Variants in VRTN observed in about 807,000 individuals in gnomAD.
The protein encoded by VRTN is vertnin.
A neutral mutation model predicts 18.2 loss-of-function variants in VRTN; 5 were observed. That is an observed-to-expected ratio of 0.27 (90% CI 0.14 to 0.58). VRTN has a LOEUF of 0.58. VRTN is among the 20% of genes least tolerant of loss of function. The pLI is 0.91. For synonymous variants in VRTN, 381 were observed against 393.7 expected (o/e 0.97, Z 0.38); for missense variants, 741 against 939.4 (o/e 0.79, Z 2.76).
At chr14:74,333,019 TG>T (rs1270697781) in intron 1 of VRTN, among the ~76,000 whole-genome samples, 1 of 152,212 alleles carries the variant, frequency 6.6e-6, no homozygotes, top group Non-Finnish European at 1.5e-5. Context: ...TAGATTTCTT[TG>T]AAGGCAGAAA....
intron 1 of VRTN, among the ~76,000 whole-genome samples, chr14:74,325,530 G>T (rs1352780642): frequency 6.6e-6 from 1 of 152,174 alleles, no homozygotes; most frequent in Admixed American, 6.6e-5. Flanking sequence ...TAAATAGGCT[G>T]GGCAAGGTGG....
chr14:74,353,611 T>A (rs1031426240), intron 1 of VRTN, among the ~76,000 whole-genome samples: 5 of 152,192 alleles, frequency 3.3e-5, no homozygotes, highest in African/African-American at 1.2e-4. Flanking sequence ...ATAGGTTATA[T>A]CTACCAGTGT....
intron 1 of VRTN, among the ~76,000 whole-genome samples, chr14:74,335,722 C>G (rs181890301): frequency 2.0e-5 from 3 of 151,550 alleles, no homozygotes; most frequent in African/African-American, 7.3e-5. Context: ...GCAGTTTCTC[C>G]CCTTTTACAG....
At position 74,355,610 on chromosome 14, in the gene VRTN, G is replaced by C. The variant is rs141589332; in HGVS notation, c.-1-1173G>C. Among the ~76,000 whole-genome samples the C allele has an allele frequency of 1.3e-3, 193 of 152,212 alleles. 1 individual carries two copies. Among genetic ancestry groups the C allele is most frequent in the African/African-American group, 4.4e-3 (182 of 41,524 alleles). ...AGCACAGTGGCATGATCTCTACTCA[G>C]TGCGGCCTCCACCTCCCAAGTTCAA... On this transcript the variant is annotated intron_variant, in intron 1 of 1. Coordinates refer to ENST00000256362, the MANE Select transcript of VRTN (RefSeq NM_018228.3).
chr14:74,306,249 C>T (rs1179459277), intron 1 of VRTN, among the ~76,000 whole-genome samples: 5 of 147,288 alleles, frequency 3.4e-5, no homozygotes. Context: ...CAGCTGACCG[C>T]AGCCTCCATC....
At chr14:74,346,390 G>C (rs975610765), upstream of VRTN, among the ~76,000 whole-genome samples, 1 of 152,066 alleles carries the variant, frequency 6.6e-6, no homozygotes, top group Admixed American at 6.6e-5. Context: ...GTGGAACAAG[G>C]ACTTGCTTAC....
chr14:74,326,550 C>T (rs954444359), intron 1 of VRTN, among the ~76,000 whole-genome samples: 26 of 152,254 alleles, frequency 1.7e-4, no homozygotes, highest in African/African-American at 5.3e-4. Flanking sequence ...CCAAGTCCCT[C>T]ATTCCCTCCC....
At chr14:74,347,010 T>C (rs1162728699), upstream of VRTN, among the ~76,000 whole-genome samples, 2 of 152,228 alleles carry the variant, frequency 1.3e-5, no homozygotes, top group Non-Finnish European at 2.9e-5. Flanking sequence ...AGATAACCAC[T>C]ATTCTCCAAA....
At chr14:74,318,193 T>G (rs756153417) in intron 1 of VRTN, among the ~76,000 whole-genome samples, 10 of 151,832 alleles carry the variant, frequency 6.6e-5, no homozygotes, top group Admixed American at 5.9e-4. Context: ...CATCTCCACC[T>G]CCCAGGTTCA....
chr14:74,327,674 C>T (rs2085496377), intron 1 of VRTN, among the ~76,000 whole-genome samples: 2 of 152,052 alleles, frequency 1.3e-5, no homozygotes, highest in African/African-American at 4.8e-5. Flanking sequence ...TGGACTGGGC[C>T]TAATTTCAGA....
At position 74,358,943 on chromosome 14, in the gene VRTN, T is replaced by TCC; in HGVS notation, c.*52_*53insCC. 6.4e-7 allele frequency: 1 copy of TCC among 1,556,452 alleles called. No individual in the cohort carries two copies. Among genetic ancestry groups the TCC allele is most frequent in the Non-Finnish European group, 8.7e-7 (1 of 1,151,210 alleles). On this transcript the variant is annotated 3_prime_UTR_variant, in exon 2 of 2. Coordinates refer to ENST00000256362, the MANE Select transcript of VRTN (RefSeq NM_018228.3). The surrounding 1 kb of genome is among the most constrained non-coding windows in gnomAD (Gnocchi z 5.4). ...AGAAGGGGGACCAGTTTGGAGAGGG[T>TCC]CAGGGACCTGAGCTGACCCCAGGCT...
chr14:74,309,865 G>A (rs542276572), intron 1 of VRTN, among the ~76,000 whole-genome samples: 14 of 152,102 alleles, frequency 9.2e-5, no homozygotes, highest in African/African-American at 3.1e-4. Context: ...TTTAAAAAAG[G>A]AAAATAATTT....
chr14:74,347,559 T>C (rs970227750), upstream of VRTN, among the ~76,000 whole-genome samples: 2 of 152,106 alleles, frequency 1.3e-5, no homozygotes, highest in African/African-American at 4.8e-5. Flanking sequence ...GGAGGAGCTG[T>C]GGGTGGAATT....
chr14:74,328,069 G>A (rs375959986), intron 1 of VRTN, among the ~76,000 whole-genome samples: 4 of 152,078 alleles, frequency 2.6e-5, no homozygotes, highest in African/African-American at 9.7e-5. Flanking sequence ...GGAAAGGCGT[G>A]AGCCACCACA....
chr14:74,315,286 T>C (rs952355218), intron 1 of VRTN, among the ~76,000 whole-genome samples: 1 of 152,188 alleles, frequency 6.6e-6, no homozygotes, highest in African/African-American at 2.4e-5. Flanking sequence ...TGATCTTGGC[T>C]CACTGCAACC....
At chr14:74,336,770 T>C (rs541922277) in intron 1 of VRTN, among the ~76,000 whole-genome samples, 1 of 152,152 alleles carries the variant, frequency 6.6e-6, no homozygotes, top group African/African-American at 2.4e-5. Flanking sequence ...CGAAACTCCA[T>C]CTCAAAAAAA....
intron 1 of VRTN, among the ~76,000 whole-genome samples, chr14:74,319,093 C>A (rs2085436706): frequency 6.6e-6 from 1 of 151,774 alleles, no homozygotes; most frequent in Non-Finnish European, 1.5e-5. Context: ...AGTGGCTCGA[C>A]CTTGGCTCAC....
intron 1 of VRTN, among the ~76,000 whole-genome samples, chr14:74,329,309 G>A (rs2140200579): frequency 6.6e-6 from 1 of 151,450 alleles, no homozygotes; most frequent in Admixed American, 6.6e-5. Context: ...TCTCACTCTT[G>A]TCACCCAGGC....
At chr14:74,318,288 A>T (rs1335391289) in intron 1 of VRTN, among the ~76,000 whole-genome samples, 1 of 148,096 alleles carries the variant, frequency 6.8e-6, no homozygotes, top group Non-Finnish European at 1.5e-5. Context: ...TTTTTTTCGG[A>T]GACAGAGTTT....
Sources: allele counts gnomAD v4.1 joint callset (sites outside exome capture counted in the v4.1 genomes callset), GRCh38; gene constraint gnomAD v4.1.1; non-coding constraint Gnocchi (gnomAD v3.1); transcripts MANE v1.5; gene names NCBI Gene and HGNC (gene_info 2026-07-23, HGNC 2026-07-21).